The following SLC38A8 variants were observed in gnomAD, a reference collection of about 807,000 sequenced individuals.
SLC38A8 encodes the protein amino acid transporter SLC38A8.
In SLC38A8, 65 loss-of-function variants were observed where a neutral mutation model predicts 46.0. The observed-to-expected ratio is 1.41, with a 90% CI of 1.16 to 1.74. SLC38A8 has a LOEUF of 1.74. Ranked by LOEUF, SLC38A8 falls within the 40% of genes most tolerant of loss-of-function variation. The pLI is 0.00. For synonymous variants in SLC38A8, 447 were observed against 243.7 expected (o/e 1.83, Z -7.77); for missense variants, 998 against 567.9 (o/e 1.76, Z -7.70).
intron 7 of SLC38A8, among the ~76,000 whole-genome samples, chr16:84,018,614 G>A (rs975760741): frequency 1.3e-5 from 2 of 152,094 alleles, no homozygotes; most frequent in Admixed American, 6.5e-5. Context: ...CCCCATGCCT[G>A]CCTCTTATGT....
intron 5 of SLC38A8, among the ~76,000 whole-genome samples, chr16:84,030,534 G>T (rs933705217): frequency 2.0e-5 from 3 of 151,950 alleles, no homozygotes; most frequent in Non-Finnish European, 2.9e-5. Context: ...TTCCCTCTTA[G>T]ATGTCTCCAG....
intron 4 of SLC38A8, among the ~76,000 whole-genome samples, chr16:84,032,188 G>T (rs149157067): frequency 2.4e-3 from 2 of 830 alleles, no homozygotes; most frequent in East Asian, 0.014. Flanking sequence ...TTGTTGTTTT[G>T]TTGTTGTTGT....
chr16:84,021,851 C>T (rs537385016), intron 7 of SLC38A8, among the ~76,000 whole-genome samples: 16 of 152,226 alleles, frequency 1.1e-4, no homozygotes, highest in Non-Finnish European at 2.2e-4. Context: ...CTGGGGAGAG[C>T]CTTCTTGCCG....
At chr16:84,041,228 A>G (rs1156986914) in intron 2 of SLC38A8, 1 of 152,338 alleles carries the variant, frequency 6.6e-6, no homozygotes, top group Non-Finnish European at 1.5e-5. Flanking sequence ...AGAGCGGAAC[A>G]TCCGACACCA....
In SLC38A8 at chr16:84,016,621, A is replaced by T. The variant is rs2085029250; in HGVS notation, c.1060T>A (p.Trp354Arg). Residue 354 changes from tryptophan (W) to arginine (R), a missense_variant, in exon 9 of 11, where the codon TGG (tryptophan) becomes AGG (arginine). Transcript: ENST00000299709. The stretch of plus-strand genomic sequence containing the variant: ...GCCATGGCGAGCGTCACGGTGACCC[A>T]CAGGATGGTCAGCGGCATCCGGACC... The part of the protein sequence containing the change: ...LWVRMPLTIL[W>R]VTVTLAMALF... 1.9e-6 allele frequency: 3 copies of T among 1,613,968 alleles called. No individual in the cohort carries two copies. The highest frequency in any genetic ancestry group is 2.5e-6 in the Non-Finnish European group (3 of 1,180,036).
In SLC38A8 at chr16:84,017,262, C is replaced by G. The variant is rs774926012; in HGVS notation, c.831G>C (p.Gly277=). 6.2e-7 allele frequency: 1 copy of G among 1,614,070 alleles called. No homozygotes were observed. Among genetic ancestry groups the G allele is most frequent in the Admixed American group, 1.7e-5 (1 of 60,008 alleles). ...LTGVYGFLTF[G]TEVSADVLMS... is the part of the protein sequence containing the mutation. ...TCAAGACGTCAGCAGAAACTTCTGT[C>G]CCAAAAGTCAGGAAGCCATAAACCC... The change falls in exon 8 of 11, where the codon GGG becomes GGC. Residue 277 remains glycine (G), a synonymous_variant. Transcript: ENST00000299709.
intron 6 of SLC38A8, among the ~76,000 whole-genome samples, chr16:84,026,314 C>A (rs1251230188): frequency 6.6e-6 from 1 of 152,186 alleles, no homozygotes; most frequent in African/African-American, 2.4e-5. Context: ...ACTGCAACCT[C>A]CACATCCTGG....
At chr16:84,025,848 G>C (rs1033541327) in intron 6 of SLC38A8, among the ~76,000 whole-genome samples, 4 of 152,226 alleles carry the variant, frequency 2.6e-5, no homozygotes, top group Non-Finnish European at 5.9e-5. Context: ...CTCAGGCACC[G>C]CGCACCCCTG....
intron 6 of SLC38A8, among the ~76,000 whole-genome samples, chr16:84,025,551 G>C (rs904886483): frequency 6.6e-6 from 1 of 152,170 alleles, no homozygotes; most frequent in East Asian, 1.9e-4. Flanking sequence ...AGGGCTCTGA[G>C]CTTGGGCCAG....
At chr16:84,016,141 C>G (rs1490203740) in intron 9 of SLC38A8, among the ~76,000 whole-genome samples, 2 of 152,192 alleles carry the variant, frequency 1.3e-5, no homozygotes, top group South Asian at 2.1e-4. Flanking sequence ...GGGGGGGACC[C>G]CCACTTATAA....
At chr16:84,019,200 G>C (rs908184732) in intron 7 of SLC38A8, among the ~76,000 whole-genome samples, 7 of 151,854 alleles carry the variant, frequency 4.6e-5, no homozygotes, top group African/African-American at 7.3e-5. Flanking sequence ...TCAGCCTCCT[G>C]AGTAGCCTGG....
intron 8 of SLC38A8, 152 bp downstream of exon 8, chr16:84,016,988 T>C: frequency 1.7e-6 from 2 of 1,181,664 alleles, no homozygotes; most frequent in South Asian, 3.2e-5. Flanking sequence ...CTTTGGGCAA[T>C]CTACCTAAAT....
intron 6 of SLC38A8, among the ~76,000 whole-genome samples, chr16:84,024,175 C>T (rs2085132369): frequency 6.6e-6 from 1 of 152,130 alleles, no homozygotes; most frequent in Non-Finnish European, 1.5e-5. Context: ...TATAACCAAC[C>T]CACGCAAACC....
intron 3 of SLC38A8, among the ~76,000 whole-genome samples, chr16:84,034,235 A>C (rs1398154855): frequency 6.6e-6 from 1 of 152,238 alleles, no homozygotes; most frequent in Non-Finnish European, 1.5e-5. Context: ...TGTCCTCTTA[A>C]AGGCCAGACC....
chr16:84,036,130 TA>T (rs1191039874), intron 3 of SLC38A8, among the ~76,000 whole-genome samples: 1 of 152,178 alleles, frequency 6.6e-6, no homozygotes, highest in Non-Finnish European at 1.5e-5. Context: ...TGAAGGAATC[TA>T]AAAAACTCCT....
intron 3 of SLC38A8, among the ~76,000 whole-genome samples, chr16:84,034,839 C>T (rs1292435410): frequency 6.6e-6 from 1 of 151,896 alleles, no homozygotes; most frequent in African/African-American, 2.4e-5. Flanking sequence ...TGCATCTGGA[C>T]CTCCCATAGC....
chr16:84,014,841 A>C (rs116200039), intron 9 of SLC38A8, among the ~76,000 whole-genome samples: 1 of 152,072 alleles, frequency 6.6e-6, no homozygotes, highest in Admixed American at 6.5e-5. Flanking sequence ...TTTGATAACC[A>C]ACATTTCTCT....
chr16:84,013,449 T>TTTTTG, intron 9 of SLC38A8, among the ~76,000 whole-genome samples: 1 of 140,520 alleles, frequency 7.1e-6, no homozygotes, highest in Non-Finnish European at 1.5e-5. Context: ...TTTTTTTTTT[T>TTTTTG]GAGACGGAGT....
Position 84,038,344 on chromosome 16 carries a change from G to A in SLC38A8, c.190-1444C>T, listed in dbSNP as rs1015989805. 7.9e-5 allele frequency among the ~76,000 whole-genome samples: 12 copies of A among 151,732 alleles called. No homozygotes were observed. In the East Asian group the frequency reaches 2.1e-3, roughly 27 times the overall value. On this transcript the variant is annotated intron_variant, in intron 2 of 10. Coordinates refer to ENST00000299709, the MANE Select transcript of SLC38A8 (RefSeq NM_001080442.3). ...AAAAATTCAGATGTACAGGAAAGTT[G>A]CAAGAACGTTACAGTGAACACCCCT... is the stretch of plus-strand genomic sequence containing the variant.
Sources: gnomAD v4.1 joint callset for allele counts (sites outside exome capture counted in the v4.1 genomes callset) on GRCh38, gnomAD v4.1.1 for gene constraint, MANE v1.5 for transcripts, NCBI Gene and HGNC (gene_info 2026-07-23, HGNC 2026-07-21) for gene names.